IK: variants seen among roughly 807,000 people sequenced by gnomAD.
IK encodes IK cytokine.
A neutral mutation model predicts 90.9 loss-of-function variants in IK; 47 were observed. That is an observed-to-expected ratio of 0.52 (90% CI 0.41 to 0.66). IK has a LOEUF of 0.66. IK is among the 30% of genes least tolerant of loss of function. The pLI, the probability that IK is intolerant of heterozygous loss-of-function variation, is 0.00. For missense variants in IK, 385 were observed against 709.3 expected (o/e 0.54, Z 5.19); for synonymous variants, 201 against 227.5 (o/e 0.88, Z 1.05).
chr5:140,648,648 T>C, intron 2 of IK, 111 bp downstream of exon 2: 1 of 1,075,736 alleles, frequency 9.3e-7, no homozygotes. Flanking sequence ...TAAAAAATTA[T>C]ACCCGCTGGC....
chr5:140,652,281 C>A, intron 4 of IK, 134 bp downstream of exon 4: 2 of 679,806 alleles, frequency 2.9e-6, no homozygotes. Flanking sequence ...CAGAGTGATA[C>A]TTAGAGTGGC....
chr5:140,655,615 G>A (rs1483715046), intron 8 of IK, among the ~76,000 whole-genome samples: 1 of 152,198 alleles, frequency 6.6e-6, no homozygotes, highest in Non-Finnish European at 1.5e-5. Flanking sequence ...CCATTACTTA[G>A]TAGATACATG....
At position 140,660,744 on chromosome 5, in the gene IK, T is replaced by C; in HGVS notation, c.1356-14T>C. 1 of 1,610,918 alleles carries C rather than the reference T, an allele frequency of 6.2e-7. No individual in the cohort carries two copies. Among genetic ancestry groups the C allele is most frequent in the Non-Finnish European group, 8.5e-7 (1 of 1,177,134 alleles). On this transcript the variant is annotated splice_polypyrimidine_tract_variant and intron_variant, in intron 15 of 19. Transcript: ENST00000417647. ...AGGGTATGCAACATCTGTTTAACTCTTGCTTCTCCTTAGGATGGATGACAT... is the reference window on the plus strand; with the variant it reads ...AGGGTATGCAACATCTGTTTAACTCCTGCTTCTCCTTAGGATGGATGACAT...
intron 14 of IK, 101 bp downstream of exon 14, chr5:140,659,935 C>G: frequency 1.0e-6 from 1 of 975,896 alleles, no homozygotes; most frequent in Non-Finnish European, 1.6e-6. Context: ...CCTCTCCTTC[C>G]CTTTTACGCT....
intron 8 of IK, among the ~76,000 whole-genome samples, chr5:140,655,223 A>G (rs1217506226): frequency 1.3e-5 from 2 of 152,204 alleles, no homozygotes; most frequent in Non-Finnish European, 2.9e-5. Context: ...TTATGAGTTA[A>G]AAGAAGTAAC....
At chr5:140,659,218 T>A (rs1413859706) in intron 12 of IK, 54 bp downstream of exon 12, 2 of 1,608,118 alleles carry the variant, frequency 1.2e-6, no homozygotes, top group Admixed American at 1.7e-5. Context: ...TCTGGAAATG[T>A]GAGCAAGGTT....
At chr5:140,653,269 AC>A in intron 5 of IK, 125 bp downstream of exon 5, 1 of 674,854 alleles carries the variant, frequency 1.5e-6, no homozygotes, top group Non-Finnish European at 2.3e-6. Flanking sequence ...GGCATTTGCC[AC>A]CCACAAAGGG....
At chr5:140,655,457 C>T (rs562592372) in intron 8 of IK, among the ~76,000 whole-genome samples, 2 of 152,160 alleles carry the variant, frequency 1.3e-5, no homozygotes, top group East Asian at 3.9e-4. Context: ...CTGTTTTTTC[C>T]ATCATCATCA....
Position 140,648,494 on chromosome 5 carries a change from G to A in IK, c.40G>A (p.Ala14Thr). ...AGGTGAGCCGTTCTCCAACCCTTTG[G>A]CCCCCGATGGCCACGATGTGGATGA... is the stretch of plus-strand genomic sequence containing the variant. ...RDSEPFSNPL[A>T]PDGHDVDDPH... The change falls in exon 2 of 20, where the codon GCC (alanine) becomes ACC (threonine). Residue 14 changes from alanine to threonine, a missense_variant. This residue lies in a region of IK where 42 missense variants were observed against 37.9 expected (regional missense o/e 1.11). Transcript: ENST00000417647. 4 of 1,613,942 alleles carry A rather than the reference G, an allele frequency of 2.5e-6. No individual in the cohort carries two copies. Among genetic ancestry groups the A allele is most frequent in the Non-Finnish European group, 3.4e-6 (4 of 1,179,872 alleles).
Position 140,653,933 on chromosome 5 carries a change from T to C in IK, c.405-5T>C, listed in dbSNP as rs747868201. 4.4e-6 allele frequency: 7 copies of C among 1,595,326 alleles called. No homozygotes were observed. ...TGTTCTTATGTGGCCTCTTTCATTA[T>C]ACAGGGACAAATCAGCTGCAGAGAA... On this transcript the variant is annotated splice_region_variant and splice_polypyrimidine_tract_variant and intron_variant, in intron 5 of 19. Transcript: ENST00000417647.
intron 10 of IK, among the ~76,000 whole-genome samples, chr5:140,658,318 T>G (rs867834031): frequency 6.6e-6 from 1 of 150,706 alleles, no homozygotes; most frequent in Non-Finnish European, 1.5e-5. Flanking sequence ...TTTATTATTT[T>G]TATTTATTTA....
Position 140,659,778 on chromosome 5 carries a change from G to T in IK, c.1218G>T (p.Leu406Phe), listed in dbSNP as rs777676879. The change falls in exon 14 of 20, where the codon TTG (leucine) becomes TTT (phenylalanine). Residue 406 changes from leucine to phenylalanine, a missense_variant. Leu to Phe is a conservative substitution (Grantham distance 22, BLOSUM62 0). This residue lies in a region of IK where 139 missense variants were observed against 172.0 expected (regional missense o/e 0.81). Coordinates refer to ENST00000417647, the MANE Select transcript of IK (RefSeq NM_006083.4). ...VDKGPGSTKE[L>F]IKSINEKFAG... ...TAGGACCTGGGTCTACCAAGGAGTT[G>T]ATCAAGTCCATCAATGAAAAGTTTG... 6.3e-7 allele frequency: 1 copy of T among 1,598,830 alleles called. No homozygotes were observed. The highest frequency in any genetic ancestry group is 1.7e-5 in the Admixed American group (1 of 57,580).
intron 8 of IK, 51 bp downstream of exon 8, chr5:140,654,778 G>C (rs1209604037): frequency 1.7e-6 from 2 of 1,184,338 alleles, no homozygotes; most frequent in South Asian, 1.3e-5. Context: ...GAATTGTACG[G>C]AATTTAATGC....
rs1757544184 is a variant in IK, at chr5:140,648,623, T to A, written c.83+86T>A. The A allele has an allele frequency of 4.6e-6, 6 of 1,318,484 alleles. No individual in the cohort carries two copies. In the Admixed American group the frequency reaches 1.0e-4, roughly 22 times the overall value. 81.7% of individuals were successfully genotyped at this position (1,318,484 alleles called of 1,614,324 possible). The stretch of plus-strand genomic sequence containing the variant: ...GATGGTGAAAGAATTCTGAATGTCT[T>A]GTCATCAAGGATGGTAAAAAATTAT... On this transcript the variant is annotated intron_variant, in intron 2 of 19. Coordinates refer to ENST00000417647, the MANE Select transcript of IK (RefSeq NM_006083.4).
At chr5:140,651,318 A>G (rs959107841) in intron 2 of IK, among the ~76,000 whole-genome samples, 2 of 151,472 alleles carry the variant, frequency 1.3e-5, no homozygotes, top group African/African-American at 4.9e-5. Flanking sequence ...GGGCACCTGT[A>G]TTCCCAGCTA....
At chr5:140,650,938 T>C (rs1368404633) in intron 2 of IK, among the ~76,000 whole-genome samples, 1 of 152,174 alleles carries the variant, frequency 6.6e-6, no homozygotes, top group African/African-American at 2.4e-5. Context: ...TATATACATA[T>C]GTCAGTAATG....
intron 8 of IK, among the ~76,000 whole-genome samples, chr5:140,655,194 A>C (rs1472360911): frequency 6.6e-6 from 1 of 152,154 alleles, no homozygotes; most frequent in Non-Finnish European, 1.5e-5. Flanking sequence ...GTAGATTGAA[A>C]GATTTTTCAG....
chr5:140,652,205 G>A, intron 4 of IK, 58 bp downstream of exon 4: 3 of 1,281,194 alleles, frequency 2.3e-6, no homozygotes, highest in Non-Finnish European at 3.4e-6. Context: ...GGGGAAAGAA[G>A]TAGGGGCTAA....
In IK at chr5:140,654,684, A is replaced by G; in HGVS notation, c.594A>G (p.Lys198=). ...LMEKPQKETK[K]DEDPENKIEF... ...TAAAACTTTTTTGTCTTTTCAGGAAAGATGAGGATCCTGAAAATAAAATTG... is the reference window on the plus strand; with the variant it reads ...TAAAACTTTTTTGTCTTTTCAGGAAGGATGAGGATCCTGAAAATAAAATTG... The change falls in exon 8 of 20, where the codon AAA becomes AAG. Residue 198 remains lysine, a synonymous_variant. Transcript: ENST00000417647. 6.2e-7 allele frequency: 1 copy of G among 1,603,318 alleles called. No individual in the cohort carries two copies. The highest frequency in any genetic ancestry group is 8.5e-7 in the Non-Finnish European group (1 of 1,172,790).
Sources: gnomAD v4.1 joint callset for allele counts (sites outside exome capture counted in the v4.1 genomes callset) on GRCh38, gnomAD v4.1.1 for gene constraint, gnomAD v4.1.1 regional missense constraint, MANE v1.5 for transcripts, NCBI Gene and HGNC (gene_info 2026-07-23, HGNC 2026-07-21) for gene names.